The following PTPRM variants were observed in gnomAD, a reference collection of about 807,000 sequenced individuals.
PTPRM encodes the protein protein tyrosine phosphatase receptor type M.
Under a neutral mutation model 186.7 loss-of-function variants are expected in PTPRM, and 47 were observed. The ratio of observed to expected loss-of-function variants is 0.25; its 90% CI spans 0.20 to 0.32. The LOEUF (loss-of-function observed/expected upper bound fraction) is 0.32, where lower values mean the gene tolerates loss of function less well. Among genes scored for constraint, PTPRM ranks in the 10% least tolerant of loss-of-function variants. The pLI, the probability that PTPRM is intolerant of heterozygous loss-of-function variation, is 1.00. For synonymous variants in PTPRM, 668 were observed against 674.9 expected, an observed-to-expected ratio of 0.99 and a Z score of 0.16; for missense variants, 1,494 against 1,865.0, an observed-to-expected ratio of 0.80 and a Z score of 3.66.
At chr18:7,870,399 C>T (rs1358236244) in intron 2 of PTPRM, among the ~76,000 whole-genome samples, 1 of 152,114 alleles carries the variant, frequency 6.6e-6, no homozygotes, top group East Asian at 1.9e-4. Flanking sequence ...CTTTAGCAGT[C>T]TTTCTTTCCT....
At chr18:7,849,873 G>A (rs930076943) in intron 2 of PTPRM, among the ~76,000 whole-genome samples, 2 of 152,192 alleles carry the variant, frequency 1.3e-5, no homozygotes, top group African/African-American at 4.8e-5. Flanking sequence ...AGCATGGTAT[G>A]TAAGATGCTA....
intron 7 of PTPRM, among the ~76,000 whole-genome samples, chr18:8,041,605 A>G (rs1434892787): frequency 1.3e-5 from 2 of 152,198 alleles, no homozygotes; most frequent in Non-Finnish European, 2.9e-5. Flanking sequence ...AAAGCTGGCC[A>G]TACTATGATT....
At chr18:8,241,455 A>T (rs1417262660) in intron 14 of PTPRM, among the ~76,000 whole-genome samples, 3 of 152,262 alleles carry the variant, frequency 2.0e-5, no homozygotes, top group Admixed American at 6.5e-5. Context: ...GCTGTTATTG[A>T]TGAAAAACAA....
intron 13 of PTPRM, among the ~76,000 whole-genome samples, chr18:8,128,844 A>G (rs529581075): frequency 1.3e-5 from 2 of 152,310 alleles, no homozygotes; most frequent in Non-Finnish European, 2.9e-5. Context: ...TTTTCAATGT[A>G]TAAAAACAAT....
chr18:8,401,246 A>G (rs900592746), intron 32 of PTPRM, among the ~76,000 whole-genome samples: 3 of 152,202 alleles, frequency 2.0e-5, no homozygotes, highest in Admixed American at 6.5e-5. Context: ...CAGGGCCTCA[A>G]TAAGGAACTG....
At chr18:7,973,590 G>T (rs1335124315) in intron 7 of PTPRM, among the ~76,000 whole-genome samples, 2 of 151,910 alleles carry the variant, frequency 1.3e-5, no homozygotes, top group Non-Finnish European at 2.9e-5. Flanking sequence ...CTATAGTAGG[G>T]TTATTTACCA....
chr18:7,606,052 C>T (rs923046833), intron 1 of PTPRM, among the ~76,000 whole-genome samples: 1 of 152,070 alleles, frequency 6.6e-6, no homozygotes, highest in Non-Finnish European at 1.5e-5. Flanking sequence ...TCTGCAGGAC[C>T]AGGCAGAGTG....
rs1457003791 is a variant in PTPRM, at chr18:8,406,133, G to A, written c.4369G>A (p.Val1457Met). 1.2e-6 allele frequency: 2 copies of A among 1,614,124 alleles called. No homozygotes were observed. The highest frequency in any genetic ancestry group is 1.3e-5 in the African/African-American group (1 of 75,038). ...GGATCAGTACAAGTTCTGCTACGAG[G>A]TGGCCCTGGAATACTTGAATTCTGG... ...LLDQYKFCYE[V>M]ALEYLNSG is the part of the protein sequence containing the mutation. The change falls in exon 33 of 33, where the codon GTG becomes ATG. Residue 1457 changes from valine (V) to methionine (M), a missense_variant. This residue lies in a region of PTPRM where 1,107 missense variants were observed against 1,350.2 expected (regional missense o/e 0.82). Coordinates refer to ENST00000580170, the MANE Select transcript of PTPRM (RefSeq NM_001105244.2).
At chr18:8,309,660 A>G (rs1427260825) in intron 20 of PTPRM, among the ~76,000 whole-genome samples, 1 of 152,118 alleles carries the variant, frequency 6.6e-6, no homozygotes, top group East Asian at 1.9e-4. Context: ...GTGCTCCACC[A>G]TGCTAGGCTA....
intron 17 of PTPRM, among the ~76,000 whole-genome samples, chr18:8,249,626 G>A (rs1334191070): frequency 2.0e-5 from 3 of 152,136 alleles, no homozygotes; most frequent in Admixed American, 6.5e-5. Context: ...TGGGGGAGCC[G>A]TGAGTGGGGA....
chr18:8,178,645 G>A (rs1008521309), intron 14 of PTPRM, among the ~76,000 whole-genome samples: 3 of 151,930 alleles, frequency 2.0e-5, no homozygotes, highest in East Asian at 1.9e-4. Flanking sequence ...AAACTAGCTG[G>A]GCATGGTGGT....
At chr18:7,966,298 T>C (rs1009154113) in intron 7 of PTPRM, among the ~76,000 whole-genome samples, 1 of 152,252 alleles carries the variant, frequency 6.6e-6, no homozygotes, top group Non-Finnish European at 1.5e-5. Flanking sequence ...CCATCCATGT[T>C]ATTACCATTG....
intron 11 of PTPRM, among the ~76,000 whole-genome samples, chr18:8,108,885 T>A (rs2091639525): frequency 6.6e-6 from 1 of 152,166 alleles, no homozygotes; most frequent in Non-Finnish European, 1.5e-5. Context: ...AGAATAATGG[T>A]AGGACAGGGC....
chr18:8,360,036 G>A (rs531372865), intron 23 of PTPRM, among the ~76,000 whole-genome samples: 7 of 152,274 alleles, frequency 4.6e-5, no homozygotes, highest in Admixed American at 2.0e-4. Flanking sequence ...ATAAATACAT[G>A]AGTAACCACT....
intron 13 of PTPRM, among the ~76,000 whole-genome samples, chr18:8,115,509 C>T (rs1321942877): frequency 2.0e-5 from 3 of 152,094 alleles, no homozygotes; most frequent in African/African-American, 7.2e-5. Flanking sequence ...TTTTAACCGT[C>T]ACATACAGAA....
Position 8,391,365 on chromosome 18 carries a change from A to G in PTPRM, c.4209-3111A>G, listed in dbSNP as rs138217185. On this transcript the variant is annotated intron_variant, in intron 31 of 32. Transcript: ENST00000580170. ...AGCCCAAACATTCATCAGCTGTTGG[A>G]TAAATTGTACAGTGGGTATTCATTC... Among the ~76,000 whole-genome samples the G allele has an allele frequency of 1.8e-3, 275 of 152,396 alleles. 2 individuals are homozygous for G. Among genetic ancestry groups the G allele is most frequent in the African/African-American group, 6.2e-3 (258 of 41,604 alleles).
chr18:7,748,666 T>C (rs548727624), intron 1 of PTPRM, among the ~76,000 whole-genome samples: 5 of 152,360 alleles, frequency 3.3e-5, no homozygotes, highest in African/African-American at 1.2e-4. Flanking sequence ...CTTTGTCTAA[T>C]TGGATCATAG....
chr18:8,116,646 C>T (rs1286914628), intron 13 of PTPRM, among the ~76,000 whole-genome samples: 3 of 152,160 alleles, frequency 2.0e-5, no homozygotes, highest in Non-Finnish European at 2.9e-5. Context: ...TCATCATGCT[C>T]ATTTACATAG....
intron 1 of PTPRM, among the ~76,000 whole-genome samples, chr18:7,726,849 T>C (rs1355338999): frequency 6.6e-6 from 1 of 152,202 alleles, no homozygotes; most frequent in Non-Finnish European, 1.5e-5. Context: ...CTGTTATTAT[T>C]TTGCAAATCA....
Sources: allele counts gnomAD v4.1 joint callset (sites outside exome capture counted in the v4.1 genomes callset), GRCh38; gene constraint gnomAD v4.1.1; regional missense constraint gnomAD v4.1.1; transcripts MANE v1.5; gene names NCBI Gene and HGNC (gene_info 2026-07-23, HGNC 2026-07-21).